LRP1B: variants seen among roughly 807,000 people sequenced by gnomAD.
The protein encoded by LRP1B is low-density lipoprotein receptor-related protein 1B.
A neutral mutation model predicts 556.6 loss-of-function variants in LRP1B; 217 were observed. The ratio of observed to expected loss-of-function variants is 0.39; its 90% CI spans 0.35 to 0.44. LRP1B has a LOEUF of 0.44. LRP1B is among the 20% of genes least tolerant of loss of function. The pLI is 1.00. For missense variants in LRP1B, 5,053 were observed against 5,620.8 expected (o/e 0.90, Z 3.23); for synonymous variants, 2,047 against 1,865.8 (o/e 1.10, Z -2.50).
At chr2:140,497,460 G>A (rs1057154078) in intron 55 of LRP1B, among the ~76,000 whole-genome samples, 1 of 151,632 alleles carries the variant, frequency 6.6e-6, no homozygotes, top group African/African-American at 2.4e-5. Flanking sequence ...TAAAAAAATG[G>A]TTAAAATGAT....
chr2:140,813,561 T>C, intron 32 of LRP1B, 96 bp downstream of exon 32: 1 of 1,013,888 alleles, frequency 9.9e-7, no homozygotes, highest in Non-Finnish European at 1.5e-6. Context: ...GTTCTGGTGT[T>C]AGTGGAGCAG....
chr2:141,109,719 GA>G (rs779079271), intron 7 of LRP1B, among the ~76,000 whole-genome samples: 2 of 151,542 alleles, frequency 1.3e-5, no homozygotes, highest in Non-Finnish European at 2.9e-5. Flanking sequence ...AGAAAAAAAG[GA>G]AAGTGAAGAC....
chr2:140,393,015 G>A (rs1389713295), intron 66 of LRP1B, among the ~76,000 whole-genome samples: 1 of 150,846 alleles, frequency 6.6e-6, no homozygotes, highest in Admixed American at 6.6e-5. Context: ...CTGCAACCTC[G>A]ACCTCCTGGA....
At chr2:140,699,911 C>A (rs1686569944) in intron 41 of LRP1B, among the ~76,000 whole-genome samples, 1 of 134,552 alleles carries the variant, frequency 7.4e-6, no homozygotes. Context: ...TACAATTTGC[C>A]CACTGGAAAA....
chr2:140,795,361 AACACCC>A (rs1178177788), intron 32 of LRP1B, among the ~76,000 whole-genome samples: 1 of 152,186 alleles, frequency 6.6e-6, no homozygotes, highest in African/African-American at 2.4e-5. Context: ...TACGAACAAT[AACACCC>A]ACAATTAAAA....
chr2:140,769,487 G>A, intron 34 of LRP1B, 143 bp from the exon 35 acceptor site: 1 of 764,554 alleles, frequency 1.3e-6, no homozygotes, highest in Non-Finnish European at 1.9e-6. Flanking sequence ...AAATTATTGT[G>A]TACTACACTT....
intron 2 of LRP1B, among the ~76,000 whole-genome samples, chr2:141,627,696 T>C (rs950737457): frequency 6.6e-6 from 1 of 152,226 alleles, no homozygotes; most frequent in Non-Finnish European, 1.5e-5. Flanking sequence ...AACACTGTCG[T>C]CCACGAAACT....
chr2:141,082,942 C>G (rs924533352), intron 7 of LRP1B, among the ~76,000 whole-genome samples: 3 of 152,210 alleles, frequency 2.0e-5, no homozygotes, highest in Non-Finnish European at 4.4e-5. Flanking sequence ...TCTCCCCAAC[C>G]ACCACCTTTG....
intron 6 of LRP1B, among the ~76,000 whole-genome samples, chr2:141,194,630 C>A (rs552439378): frequency 6.6e-6 from 1 of 152,126 alleles, no homozygotes; most frequent in African/African-American, 2.4e-5. Flanking sequence ...CATATTGGAC[C>A]AAGGGCCACT....
intron 32 of LRP1B, among the ~76,000 whole-genome samples, chr2:140,798,683 C>G (rs559433392): frequency 6.6e-6 from 1 of 152,186 alleles, no homozygotes; most frequent in Non-Finnish European, 1.5e-5. Flanking sequence ...TTACCAGCAT[C>G]ATATTGTCAA....
chr2:140,530,866 A>T (rs1414077263), intron 47 of LRP1B, among the ~76,000 whole-genome samples: 1 of 152,142 alleles, frequency 6.6e-6, no homozygotes, highest in Non-Finnish European at 1.5e-5. Flanking sequence ...CAAGAGTATG[A>T]CTGAGATAGT....
intron 2 of LRP1B, among the ~76,000 whole-genome samples, chr2:141,781,994 C>T (rs1291527542): frequency 2.6e-5 from 4 of 152,058 alleles, no homozygotes; most frequent in Non-Finnish European, 2.9e-5. Context: ...TAATTTTGTT[C>T]TTTGGAAGTT....
intron 41 of LRP1B, among the ~76,000 whole-genome samples, chr2:140,677,045 A>T (rs1369042417): frequency 6.6e-6 from 1 of 152,252 alleles, no homozygotes; most frequent in Non-Finnish European, 1.5e-5. Context: ...TTCTTAGGGA[A>T]GAAAAGCAGT....
At chr2:142,085,598 CTTA>C (rs1418512011) in intron 1 of LRP1B, among the ~76,000 whole-genome samples, 1 of 151,982 alleles carries the variant, frequency 6.6e-6, no homozygotes, top group African/African-American at 2.4e-5. Context: ...ATTATTATAT[CTTA>C]TTATTTATAC....
In LRP1B at chr2:141,011,071, C is replaced by CAGAGAGAGAGAGAG. The variant is rs143409764; in HGVS notation, c.2380+2471_2380+2484dup. On this transcript the variant is annotated intron_variant, in intron 14 of 90. Transcript: ENST00000389484. ...TAACATCATATAATTTGTATTCTCT[C>CAGAGAGAGAGAGAG]AGAGAGAGAGAGAGAGAGAGAGAGA... Among the ~76,000 whole-genome samples the CAGAGAGAGAGAGAG allele has an allele frequency of 4.5e-3, 645 of 142,792 alleles. 5 individuals are homozygous for CAGAGAGAGAGAGAG. Among genetic ancestry groups the CAGAGAGAGAGAGAG allele is most frequent in the African/African-American group, 0.014 (530 of 38,982 alleles). The allele number at this position is 142,792 out of a possible 152,430, so 93.7% of individuals were successfully genotyped here.
chr2:141,275,669 C>A lies in LRP1B; in HGVS notation c.344-21028G>T, dbSNP rs192020447. On this transcript the variant is annotated intron_variant, in intron 3 of 90. Transcript: ENST00000389484. ...TTGACGCTGCAGTAAGCCATAATTG[C>A]GCCACTGCACTCTAGGATGGATGAC... Among the ~76,000 whole-genome samples, 3 of 152,002 alleles carry A rather than the reference C, an allele frequency of 2.0e-5. No homozygotes were observed. The South Asian group carries it at 6.2e-4, about 32-fold the overall frequency.
chr2:140,487,516 C>G (rs2105366241), intron 58 of LRP1B, 101 bp downstream of exon 58: 1 of 1,115,460 alleles, frequency 9.0e-7, no homozygotes, highest in Non-Finnish European at 1.3e-6. Context: ...CACCCTAATG[C>G]ATTTTATGAG....
intron 55 of LRP1B, 99 bp downstream of exon 55, chr2:140,501,588 T>C (rs1689189519): frequency 2.6e-6 from 2 of 781,696 alleles, no homozygotes; most frequent in Non-Finnish European, 3.8e-6. Context: ...TTTAATATTA[T>C]GATGGCTTTT....
intron 82 of LRP1B, among the ~76,000 whole-genome samples, chr2:140,319,585 A>G (rs1366893314): frequency 2.6e-5 from 4 of 152,268 alleles, no homozygotes; most frequent in African/African-American, 9.6e-5. Context: ...GAATGCATGG[A>G]TACACAAGAG....
Sources: allele counts gnomAD v4.1 joint callset (sites outside exome capture counted in the v4.1 genomes callset), GRCh38; gene constraint gnomAD v4.1.1; transcripts MANE v1.5; gene names NCBI Gene and HGNC (gene_info 2026-07-23, HGNC 2026-07-21).